The following CC2D2B variants were observed in gnomAD, a reference collection of about 807,000 sequenced individuals.
CC2D2B encodes coiled-coil and C2 domain containing 2B.
Under a neutral mutation model 161.2 loss-of-function variants are expected in CC2D2B, and 128 were observed. The ratio of observed to expected loss-of-function variants is 0.79; its 90% CI spans 0.69 to 0.92. CC2D2B has a LOEUF of 0.92. CC2D2B is among the 40% of genes least tolerant of loss of function. The pLI is 0.00. For synonymous variants in CC2D2B, 391 were observed against 449.8 expected (o/e 0.87, Z 1.65); for missense variants, 1,173 against 1,375.1 (o/e 0.85, Z 2.32).
chr10:95,931,753 C>T (rs964687376), intron 6 of CC2D2B, among the ~76,000 whole-genome samples: 3 of 150,226 alleles, frequency 2.0e-5, no homozygotes, highest in East Asian at 1.9e-4. Context: ...GAGACTGTTA[C>T]GATTTCCATT....
At chr10:95,976,881 T>G (rs1408130124) in intron 17 of CC2D2B, among the ~76,000 whole-genome samples, 3 of 152,190 alleles carry the variant, frequency 2.0e-5, no homozygotes, top group African/African-American at 7.2e-5. Context: ...CCAGAGTAGC[T>G]GGGATTACAG....
intron 29 of CC2D2B, among the ~76,000 whole-genome samples, chr10:96,015,211 C>T (rs1269955342): frequency 2.6e-5 from 4 of 150,992 alleles, no homozygotes; most frequent in South Asian, 2.1e-4. Flanking sequence ...ATTACAGGCA[C>T]GCACCACCAG....
At chr10:96,028,628 A>G (rs1003992074) in intron 34 of CC2D2B, among the ~76,000 whole-genome samples, 3 of 152,224 alleles carry the variant, frequency 2.0e-5, no homozygotes, top group African/African-American at 7.2e-5. Flanking sequence ...TGCTGGGTAT[A>G]TACCCAAAAG....
chr10:95,925,421 G>A lies in CC2D2B; in HGVS notation c.240+577G>A, dbSNP rs184623559. 4.6e-3 allele frequency among the ~76,000 whole-genome samples: 700 copies of A among 152,284 alleles called. 3 individuals carry two copies. Among genetic ancestry groups the A allele is most frequent in the South Asian group, 0.013 (65 of 4,822 alleles). ...CATAGGAACTCAGGGCCCTAGAGCTGCTTCAGTCTAATAGCCTCCCAATTA... is the reference window on the plus strand; with the variant it reads ...CATAGGAACTCAGGGCCCTAGAGCTACTTCAGTCTAATAGCCTCCCAATTA... On this transcript the variant is annotated intron_variant, in intron 5 of 34. Coordinates refer to ENST00000646931, the MANE Select transcript of CC2D2B (RefSeq NM_001349008.3).
At position 96,027,198 on chromosome 10, in the gene CC2D2B, G is replaced by A. The variant is rs2079821579; in HGVS notation, c.3948-14G>A. On this transcript the variant is annotated splice_polypyrimidine_tract_variant and intron_variant, in intron 33 of 34. Coordinates refer to ENST00000646931, the MANE Select transcript of CC2D2B (RefSeq NM_001349008.3). Reference sequence around the variant, plus strand: ...ATAACTTGTCATAAAATTACCTTTGGATTCTTACCTTAGGATCGAAAGGAC... The same window carrying A: ...ATAACTTGTCATAAAATTACCTTTGAATTCTTACCTTAGGATCGAAAGGAC... 2 of 1,487,186 alleles carry A rather than the reference G, an allele frequency of 1.3e-6. No individual in the cohort carries two copies. The highest frequency in any genetic ancestry group is 1.4e-5 in the African/African-American group (1 of 70,144). 92.1% of individuals were successfully genotyped at this position (1,487,186 alleles called of 1,614,324 possible).
chr10:95,927,850 A>G (rs1484563520), intron 6 of CC2D2B, among the ~76,000 whole-genome samples: 1 of 151,742 alleles, frequency 6.6e-6, no homozygotes, highest in Non-Finnish European at 1.5e-5. Context: ...AGTCCCCCTC[A>G]AACTGTGTAG....
At position 95,961,952 on chromosome 10, in the gene CC2D2B, A is replaced by G; in HGVS notation, c.1233A>G (p.Ile411Met). 1 of 1,231,626 alleles carries G rather than the reference A, an allele frequency of 8.1e-7. No homozygotes were observed. Among genetic ancestry groups the G allele is most frequent in the Non-Finnish European group, 1.0e-6 (1 of 987,638 alleles). 76.3% of individuals were successfully genotyped at this position (1,231,626 alleles called of 1,614,324 possible). The change falls in exon 12 of 35, where the codon ATA (isoleucine) becomes ATG (methionine). Residue 411 changes from isoleucine to methionine, a missense_variant. By Grantham distance (10) the Ile-to-Met change is conservative (BLOSUM62 1). Around this residue, in one of 3 missense-constraint regions of CC2D2B, gnomAD observed 277 missense variants for 420.6 expected, o/e 0.66. Transcript: ENST00000646931. ...RHGQGFTSTP[I>M]KLQVQRIKMN... ...GGCAAGGGTTTACAAGCACCCCAATAAAGTTACAGGTTCAGAGGTAAGTGG... is the reference window on the plus strand; with the variant it reads ...GGCAAGGGTTTACAAGCACCCCAATGAAGTTACAGGTTCAGAGGTAAGTGG...
chr10:96,004,955 G>A (rs2078680969), intron 25 of CC2D2B, among the ~76,000 whole-genome samples: 2 of 152,174 alleles, frequency 1.3e-5, no homozygotes, highest in African/African-American at 4.8e-5. Context: ...TAAGGTTCAG[G>A]AACGAGCCTT....
At chr10:95,911,381 T>C in intron 2 of CC2D2B, 22 bp downstream of exon 2, 1 of 236,628 alleles carries the variant, frequency 4.2e-6, no homozygotes, top group Non-Finnish European at 8.0e-6. Context: ...ATGGAGTTTA[T>C]AATATTTTGA....
intron 11 of CC2D2B, 168 bp from the exon 12 acceptor site, chr10:95,961,661 T>G (rs758350963): frequency 2.3e-5 from 9 of 391,574 alleles, no homozygotes; most frequent in Non-Finnish European, 4.0e-5. Context: ...GGAATTGCAG[T>G]GGGTAACATA....
At chr10:95,921,645 TA>T (rs2098527375) in intron 2 of CC2D2B, 1 of 153,802 alleles carries the variant, frequency 6.5e-6, no homozygotes, top group Non-Finnish European at 1.4e-5. Flanking sequence ...TACAAATTGA[TA>T]AAAAGGTGAA....
intron 10 of CC2D2B, 94 bp downstream of exon 10, chr10:95,950,199 T>C: frequency 2.5e-6 from 1 of 396,896 alleles, no homozygotes; most frequent in Non-Finnish European, 4.4e-6. Flanking sequence ...TTTCTAAATA[T>C]TTAAGTAGAA....
chr10:95,963,241 G>A (rs2076828693), intron 12 of CC2D2B, among the ~76,000 whole-genome samples: 1 of 152,114 alleles, frequency 6.6e-6, no homozygotes. Context: ...GAAGCTATCT[G>A]TTTGAAGATG....
intron 24 of CC2D2B, among the ~76,000 whole-genome samples, chr10:95,997,020 C>A (rs1002834567): frequency 6.6e-6 from 1 of 152,198 alleles, no homozygotes; most frequent in Non-Finnish European, 1.5e-5. Context: ...GAAGACACAG[C>A]AAGAAGGCCC....
At chr10:96,022,867 AG>A (rs2079531286) in intron 32 of CC2D2B, among the ~76,000 whole-genome samples, 1 of 152,146 alleles carries the variant, frequency 6.6e-6, no homozygotes, top group Non-Finnish European at 1.5e-5. Flanking sequence ...GCCCTGAGGG[AG>A]GGGAGTTGTA....
rs140342665 is a variant in CC2D2B, at chr10:95,910,147, C to A, written c.-23-1154C>A. 2.0e-3 allele frequency among the ~76,000 whole-genome samples: 307 copies of A among 152,226 alleles called. 5 individuals carry two copies. Among genetic ancestry groups the A allele is most frequent in the African/African-American group, 6.8e-3 (282 of 41,532 alleles). ...CTTCAGCCTGGGTGAAAGAGTGAGA[C>A]CCTGTCTCTAAAAAACAAACAGATA... On this transcript the variant is annotated intron_variant, in intron 1 of 34. Coordinates refer to ENST00000646931, the MANE Select transcript of CC2D2B (RefSeq NM_001349008.3).
intron 24 of CC2D2B, among the ~76,000 whole-genome samples, chr10:96,003,769 T>G (rs1434391246): frequency 6.6e-6 from 1 of 152,180 alleles, no homozygotes; most frequent in Non-Finnish European, 1.5e-5. Flanking sequence ...AATTCTGTAT[T>G]TAAAGTCATA....
chr10:95,981,285 G>A lies in CC2D2B; in HGVS notation c.1944-690G>A, dbSNP rs187403240. Among the ~76,000 whole-genome samples, 32 of 151,780 alleles carry A rather than the reference G, an allele frequency of 2.1e-4. 1 individual carries two copies. In the East Asian group the frequency reaches 5.4e-3, roughly 26 times the overall value. On this transcript the variant is annotated intron_variant, in intron 17 of 34. Transcript: ENST00000646931. ...CACGTGCCTGTAGTCTCAGCTACTC[G>A]GGAGGCTGAGGCATGAGAATCGCTT...
chr10:95,972,858 G>C (rs1425527498), intron 16 of CC2D2B, among the ~76,000 whole-genome samples: 1 of 152,070 alleles, frequency 6.6e-6, no homozygotes, highest in Non-Finnish European at 1.5e-5. Flanking sequence ...CAGACATATG[G>C]GTTTGTCTTT....
Sources: allele counts gnomAD v4.1 joint callset (sites outside exome capture counted in the v4.1 genomes callset), GRCh38; gene constraint gnomAD v4.1.1; regional missense constraint gnomAD v4.1.1; transcripts MANE v1.5; gene names NCBI Gene and HGNC (gene_info 2026-07-23, HGNC 2026-07-21).